The following RBFOX1 variants were observed in gnomAD, a reference collection of about 807,000 sequenced individuals.
RBFOX1 encodes the protein RNA binding fox-1 homolog 1.
A neutral mutation model predicts 57.7 loss-of-function variants in RBFOX1; 8 were observed. The observed-to-expected ratio is 0.14, with a 90% CI of 0.08 to 0.25. RBFOX1 has a LOEUF of 0.25. RBFOX1 is among the 10% of genes least tolerant of loss of function. RBFOX1 has a pLI of 1.00. For synonymous variants in RBFOX1, 326 were observed against 222.4 expected, an observed-to-expected ratio of 1.47 and a Z score of -4.15; for missense variants, 611 against 548.5, an observed-to-expected ratio of 1.11 and a Z score of -1.14.
At chr16:7,688,240 T>TGTGTGA (rs1379542131) in intron 14 of RBFOX1, among the ~76,000 whole-genome samples, 1 of 145,400 alleles carries the variant, frequency 6.9e-6, no homozygotes, top group Non-Finnish European at 1.5e-5. Context: ...TGTGTGTGTG[T>TGTGTGA]GTGTGTGTGT....
At position 7,580,037 on chromosome 16, in the gene RBFOX1, C is replaced by T; in HGVS notation, c.414+117C>T. The T allele has an allele frequency of 9.0e-6, 10 of 1,107,392 alleles. No individual in the cohort carries two copies. The Admixed American group carries it at 1.0e-4, about 11-fold the overall frequency. The allele number at this position is 1,107,392 out of a possible 1,614,324, so 68.6% of individuals were successfully genotyped here. Reference sequence around the variant, plus strand: ...GGTTAGATGTTTGTATGGGGAGAAACAATTTAGAGCCTAGTCTGCAGGTAT... The same window carrying T: ...GGTTAGATGTTTGTATGGGGAGAAATAATTTAGAGCCTAGTCTGCAGGTAT... On this transcript the variant is annotated intron_variant, in intron 6 of 15. Coordinates refer to ENST00000550418, the MANE Select transcript of RBFOX1 (RefSeq NM_018723.4).
rs181099345 is a variant in RBFOX1 at position 6,865,143 on chromosome 16, C to G, written c.-15-186914C>G. 7.6e-4 allele frequency among the ~76,000 whole-genome samples: 115 copies of G among 151,724 alleles called. 2 individuals carry two copies. Among genetic ancestry groups the G allele is most frequent in the Non-Finnish European group, 1.3e-4 (9 of 67,970 alleles). The stretch of plus-strand genomic sequence containing the variant: ...TTAGCCTCCCAAGTAGCTGGGATTA[C>G]AGGTGCCCACCACCACTCCTGGGTA... On this transcript the variant is annotated intron_variant, in intron 3 of 15. Coordinates refer to ENST00000550418, the MANE Select transcript of RBFOX1 (RefSeq NM_018723.4).
At chr16:5,998,615 G>A (rs1159137384) in intron 4 of RBFOX1, among the ~76,000 whole-genome samples, 1 of 152,116 alleles carries the variant, frequency 6.6e-6, no homozygotes, top group Non-Finnish European at 1.5e-5. Flanking sequence ...GTTGTGTGAG[G>A]GTGCAGAGCC....
chr16:5,842,203 C>T (rs1166766128), intron 3 of RBFOX1, among the ~76,000 whole-genome samples: 2 of 152,196 alleles, frequency 1.3e-5, no homozygotes, highest in Non-Finnish European at 2.9e-5. Flanking sequence ...AACATGTTAA[C>T]TGCAGCTGTT....
At chr16:6,959,026 C>T (rs948516826) in intron 3 of RBFOX1, among the ~76,000 whole-genome samples, 3 of 152,072 alleles carry the variant, frequency 2.0e-5, no homozygotes, top group African/African-American at 7.2e-5. Flanking sequence ...AATGGACAGT[C>T]ATTTTTCAGA....
chr16:7,287,570 T>C (rs2095674806), intron 4 of RBFOX1, among the ~76,000 whole-genome samples: 1 of 152,224 alleles, frequency 6.6e-6, no homozygotes, highest in Non-Finnish European at 1.5e-5. Context: ...TGACTTGGGC[T>C]ACTTAAATGG....
At chr16:6,412,894 T>G (rs1383483853) in intron 2 of RBFOX1, among the ~76,000 whole-genome samples, 1 of 152,222 alleles carries the variant, frequency 6.6e-6, no homozygotes, top group Non-Finnish European at 1.5e-5. Flanking sequence ...TTTGGATGGT[T>G]TGTGTGGCAC....
intron 4 of RBFOX1, among the ~76,000 whole-genome samples, chr16:7,148,416 C>T (rs1772280238): frequency 6.6e-6 from 1 of 152,190 alleles, no homozygotes; most frequent in Non-Finnish European, 1.5e-5. Context: ...ATTTTCACCT[C>T]ATCTTAAGTT....
upstream of RBFOX1, among the ~76,000 whole-genome samples, chr16:6,014,035 C>T (rs1367733553): frequency 2.0e-5 from 3 of 152,002 alleles, no homozygotes; most frequent in African/African-American, 7.2e-5. Context: ...ATGGGTGCAG[C>T]ACACCAACAT....
intron 4 of RBFOX1, among the ~76,000 whole-genome samples, chr16:7,417,217 A>G (rs7205898): frequency 0.084 from 12,770 of 151,788 alleles, 1,286 homozygotes; most frequent in East Asian, 0.3. Flanking sequence ...TAAAAATACA[A>G]AAAATACTGG....
chr16:5,448,429 G>T (rs192890026), intron 1 of RBFOX1, among the ~76,000 whole-genome samples: 1 of 152,174 alleles, frequency 6.6e-6, no homozygotes, highest in Non-Finnish European at 1.5e-5. Flanking sequence ...ATAATGAACA[G>T]CTGGGAAATA....
chr16:7,437,199 A>T (rs1033003465), intron 4 of RBFOX1, among the ~76,000 whole-genome samples: 1 of 152,142 alleles, frequency 6.6e-6, no homozygotes, highest in Non-Finnish European at 1.5e-5. Flanking sequence ...CCAAGTTCAC[A>T]ATCACAAACA....
intron 11 of RBFOX1, among the ~76,000 whole-genome samples, chr16:7,630,891 G>A (rs1443291198): frequency 2.6e-5 from 4 of 152,174 alleles, no homozygotes; most frequent in African/African-American, 9.7e-5. Flanking sequence ...TCAGGATTGG[G>A]TCCAATGGTT....
chr16:6,187,266 C>T (rs531095560), intron 1 of RBFOX1, among the ~76,000 whole-genome samples: 9 of 151,994 alleles, frequency 5.9e-5, no homozygotes, highest in African/African-American at 1.9e-4. Context: ...GTTGGGATGA[C>T]GATCGATGTT....
chr16:5,726,144 G>A (rs549085203), intron 3 of RBFOX1, among the ~76,000 whole-genome samples: 59 of 149,344 alleles, frequency 4.0e-4, no homozygotes, highest in Non-Finnish European at 2.1e-4. Context: ...AACTCCTTTC[G>A]TCCCAGTTTA....
chr16:6,477,438 G>A (rs368840886), intron 2 of RBFOX1, among the ~76,000 whole-genome samples: 17 of 152,234 alleles, frequency 1.1e-4, no homozygotes, highest in Non-Finnish European at 1.6e-4. Context: ...AGAGCTTTCC[G>A]GTGACCAGAT....
intron 1 of RBFOX1, among the ~76,000 whole-genome samples, chr16:6,230,336 A>G (rs1398374367): frequency 2.0e-5 from 3 of 152,196 alleles, no homozygotes; most frequent in African/African-American, 7.2e-5. Flanking sequence ...TGTTATAATT[A>G]TAAGGAAAAA....
intron 7 of RBFOX1, among the ~76,000 whole-genome samples, chr16:7,594,591 T>C (rs2094597158): frequency 6.6e-6 from 1 of 152,204 alleles, no homozygotes; most frequent in Admixed American, 6.5e-5. Flanking sequence ...TTTTTGAGGC[T>C]GAAATATTAA....
intron 3 of RBFOX1, among the ~76,000 whole-genome samples, chr16:6,778,793 A>G (rs2079827465): frequency 6.6e-6 from 1 of 152,046 alleles, no homozygotes; most frequent in Non-Finnish European, 1.5e-5. Context: ...AATCCACCTT[A>G]TAAATTATTG....
Sources: gnomAD v4.1 joint callset for allele counts (sites outside exome capture counted in the v4.1 genomes callset) on GRCh38, gnomAD v4.1.1 for gene constraint, MANE v1.5 for transcripts, NCBI Gene and HGNC (gene_info 2026-07-23, HGNC 2026-07-21) for gene names.